SMOC2: variants seen among roughly 807,000 people sequenced by gnomAD.
The protein encoded by SMOC2 is SPARC related modular calcium binding 2.
SMOC2 carries 39 observed loss-of-function variants against 61.4 expected under a neutral mutation model. The ratio of observed to expected loss-of-function variants is 0.64; its 90% CI spans 0.49 to 0.83. The LOEUF is 0.83. Ranked by LOEUF, SMOC2 falls within the 40% of genes least tolerant of loss-of-function variation. The pLI is 0.00. For synonymous variants in SMOC2, 247 were observed against 239.9 expected (o/e 1.03, Z -0.27); for missense variants, 556 against 592.9 (o/e 0.94, Z 0.65).
chr6:168,499,511 G>A (rs1367820281), intron 1 of SMOC2, among the ~76,000 whole-genome samples: 4 of 152,150 alleles, frequency 2.6e-5, no homozygotes, highest in East Asian at 3.9e-4. Context: ...TGAAGTGTGC[G>A]GCAGATGGGG....
chr6:168,636,849 T>TCCCTCCTCCC lies in SMOC2; in HGVS notation c.908-13832_908-13831insCCCTCCTCCC, dbSNP rs1562396868. ...GGCCATCAGTGGGGAATATGCCTCC[T>TCCCTCCTCCC]GCCTCCCTCCTCCCGCCTCCCTCCT... On this transcript the variant is annotated intron_variant, in intron 9 of 12. Transcript: ENST00000356284. 6.7e-4 allele frequency among the ~76,000 whole-genome samples: 84 copies of TCCCTCCTCCC among 125,346 alleles called. 5 individuals carry two copies. In the East Asian group the frequency reaches 8.1e-3, roughly 12 times the overall value. 82.2% of individuals were successfully genotyped at this position (125,346 alleles called of 152,430 possible). A position where few individuals can be genotyped will look rare whatever the true frequency, so the allele number is the denominator to read the frequency against.
intron 9 of SMOC2, among the ~76,000 whole-genome samples, chr6:168,643,204 C>T (rs1053476673): frequency 1.3e-5 from 2 of 152,188 alleles, no homozygotes; most frequent in South Asian, 2.1e-4. Context: ...CCTGGGTCCT[C>T]CCACAGCTGG....
chr6:168,552,873 C>T (rs972444580), intron 7 of SMOC2, among the ~76,000 whole-genome samples: 3 of 149,376 alleles, frequency 2.0e-5, no homozygotes, highest in African/African-American at 5.0e-5. Flanking sequence ...GCAGAGAGCC[C>T]ACCGAGGGTG....
chr6:168,624,937 A>ACACACAAACACATGCACT (rs1164687939), intron 9 of SMOC2, among the ~76,000 whole-genome samples: 6 of 152,028 alleles, frequency 3.9e-5, no homozygotes, highest in African/African-American at 1.5e-4. Context: ...CCACACACAG[A>ACACACAAACACATGCACT]CACACAAACA....
intron 1 of SMOC2, among the ~76,000 whole-genome samples, chr6:168,506,555 A>G (rs1160561703): frequency 6.6e-6 from 1 of 152,234 alleles, no homozygotes; most frequent in Non-Finnish European, 1.5e-5. Context: ...TTTATTAAGA[A>G]GAAACATAGA....
At chr6:168,542,012 A>C (rs1783886746) in intron 4 of SMOC2, among the ~76,000 whole-genome samples, 1 of 152,240 alleles carries the variant, frequency 6.6e-6, no homozygotes, top group Admixed American at 6.5e-5. Flanking sequence ...AAGATATTCT[A>C]ATTATTAGCA....
intron 7 of SMOC2, among the ~76,000 whole-genome samples, chr6:168,597,378 T>C (rs1241998279): frequency 6.6e-6 from 1 of 152,340 alleles, no homozygotes; most frequent in East Asian, 1.9e-4. Flanking sequence ...AAGAAATTTA[T>C]TGAGTGCCTA....
At chr6:168,640,074 G>C (rs1198977276) in intron 9 of SMOC2, among the ~76,000 whole-genome samples, 1 of 152,166 alleles carries the variant, frequency 6.6e-6, no homozygotes, top group Non-Finnish European at 1.5e-5. Context: ...GAAGCCTCTG[G>C]GCGACTCACT....
chr6:168,631,453 GA>G (rs1451735254), intron 9 of SMOC2, among the ~76,000 whole-genome samples: 1 of 152,182 alleles, frequency 6.6e-6, no homozygotes, highest in Non-Finnish European at 1.5e-5. Context: ...GTGTTCCAGA[GA>G]AAATGGGCTT....
rs9456168 is a variant in SMOC2, at chr6:168,534,056, T to C, written c.463+6329T>C. On this transcript the variant is annotated intron_variant, in intron 4 of 12. Transcript: ENST00000356284. ...AGCCCAGGAGTTTGAGACTGGCCTG[T>C]GCAACAAAAGTGAGACCCCCCACCA... Among the ~76,000 whole-genome samples the C allele has an allele frequency of 3.3e-3, 496 of 152,206 alleles. 6 individuals carry two copies. Among genetic ancestry groups the C allele is most frequent in the South Asian group, 0.028 (134 of 4,812 alleles).
intron 9 of SMOC2, among the ~76,000 whole-genome samples, chr6:168,644,825 G>T (rs4708482): frequency 0.4 from 60,213 of 151,240 alleles, 13,938 homozygotes; most frequent in African/African-American, 0.65. Context: ...AATTTTTGTA[G>T]TTTTAGTAGA....
chr6:168,516,791 A>G (rs1383387404), intron 2 of SMOC2, among the ~76,000 whole-genome samples: 1 of 152,180 alleles, frequency 6.6e-6, no homozygotes, highest in African/African-American at 2.4e-5. Context: ...TACTAAAAAT[A>G]CAACAACAAA....
intron 8 of SMOC2, among the ~76,000 whole-genome samples, chr6:168,603,145 G>A (rs967611668): frequency 1.3e-5 from 2 of 151,510 alleles, no homozygotes; most frequent in African/African-American, 4.9e-5. Flanking sequence ...CCATCCTGCC[G>A]CCCTGTGAAA....
chr6:168,518,424 AGT>A (rs1216379524), intron 2 of SMOC2, among the ~76,000 whole-genome samples: 1 of 146,358 alleles, frequency 6.8e-6, no homozygotes, highest in East Asian at 2.1e-4. Flanking sequence ...TGTGTGCATG[AGT>A]GTGCATGTGT....
intron 11 of SMOC2, among the ~76,000 whole-genome samples, chr6:168,663,159 G>C (rs1160744956): frequency 6.6e-6 from 1 of 152,152 alleles, no homozygotes; most frequent in Non-Finnish European, 1.5e-5. Flanking sequence ...GGTGAAGATA[G>C]GAAAGGGATG....
intron 7 of SMOC2, among the ~76,000 whole-genome samples, chr6:168,591,388 T>C (rs1176214089): frequency 6.6e-6 from 1 of 152,172 alleles, no homozygotes; most frequent in Non-Finnish European, 1.5e-5. Context: ...ATCATAGTTA[T>C]ACTACAGAAT....
Position 168,504,712 on chromosome 6 carries a change from G to A in SMOC2, c.85-5203G>A, listed in dbSNP as rs111859493. Among the ~76,000 whole-genome samples the A allele has an allele frequency of 7.5e-3, 1,136 of 152,218 alleles. 13 individuals are homozygous for A. The highest frequency in any genetic ancestry group is 0.026 in the African/African-American group (1,095 of 41,526). On this transcript the variant is annotated intron_variant, in intron 1 of 12. Coordinates refer to ENST00000356284, the MANE Select transcript of SMOC2 (RefSeq NM_001166412.2). ...GCACCTGTGTTCTTCCTTATACAGC[G>A]TGGTCATTTGTGGATGTACATTTCT...
Position 168,650,601 on chromosome 6 carries a change from AAAC to A in SMOC2, c.908-75_908-73del, listed in dbSNP as rs1368916553. The A allele has an allele frequency of 6.5e-6, 9 of 1,380,794 alleles. 1 individual carries two copies. In the East Asian group the frequency reaches 2.0e-4, roughly 30 times the overall value. The allele number at this position is 1,380,794 out of a possible 1,614,324, so 85.5% of individuals were successfully genotyped here. ...CCAAAATACTCATTTCCAAACAGTA[AAAC>A]AACATTTCCCTGTATTTTAGAGGAA... On this transcript the variant is annotated intron_variant, in intron 9 of 12. Transcript: ENST00000356284.
At chr6:168,498,040 C>A (rs575596502) in intron 1 of SMOC2, among the ~76,000 whole-genome samples, 1 of 152,238 alleles carries the variant, frequency 6.6e-6, no homozygotes, top group African/African-American at 2.4e-5. Context: ...CGTTTCTCTT[C>A]ACCAGCATGA....
Sources: allele counts gnomAD v4.1 joint callset (sites outside exome capture counted in the v4.1 genomes callset), GRCh38; gene constraint gnomAD v4.1.1; transcripts MANE v1.5; gene names NCBI Gene and HGNC (gene_info 2026-07-23, HGNC 2026-07-21).